Variants in AGAP1 observed in about 807,000 individuals in gnomAD.
AGAP1 encodes ArfGAP with GTPase domain, ankyrin repeat and PH domain 1.
AGAP1 carries 29 observed loss-of-function variants against 105.3 expected under a neutral mutation model. The observed-to-expected ratio is 0.28, with a 90% CI of 0.21 to 0.38. The LOEUF is 0.38. Among genes scored for constraint, AGAP1 ranks in the 10% least tolerant of loss-of-function variants. The pLI is 1.00. For missense variants in AGAP1, 998 were observed against 1,165.1 expected (o/e 0.86, Z 2.09); for synonymous variants, 509 against 485.9 (o/e 1.05, Z -0.63).
rs954215802 is a variant in AGAP1, at chr2:235,739,501, G to A, written c.311-1462G>A. ...CTGACCATTTCCAGTGGGCCCTACC[G>A]TCTTGTTTCAGTGACTGGGGGGACA... On this transcript the variant is annotated intron_variant, in intron 3 of 17. Transcript: ENST00000304032. The surrounding 1 kb of genome is among the most constrained non-coding windows in gnomAD (Gnocchi z 5.3). 6.6e-6 allele frequency among the ~76,000 whole-genome samples: 1 copy of A among 152,186 alleles called. No homozygotes were observed. Among genetic ancestry groups the A allele is most frequent in the African/African-American group, 2.4e-5 (1 of 41,448 alleles).
rs957281254 is a variant in AGAP1, at chr2:235,874,536, A to G, written c.1051-8809A>G. ...CACCTAGGCAGAGCAACCGAAGTGC[A>G]CTTTGCAGGGAGCTAAGAGGCTCGG... is the stretch of plus-strand genomic sequence containing the variant. On this transcript the variant is annotated intron_variant, in intron 9 of 17. Transcript: ENST00000304032. This position sits in a 1 kb window ranked among gnomAD's most constrained non-coding sequence, Gnocchi z 4.5. 1.3e-5 allele frequency among the ~76,000 whole-genome samples: 2 copies of G among 152,204 alleles called. No individual in the cohort carries two copies. The highest frequency in any genetic ancestry group is 6.5e-5 in the Admixed American group (1 of 15,288).
chr2:235,984,211 A>G, intron 13 of AGAP1, among the ~76,000 whole-genome samples: 1 of 152,216 alleles, frequency 6.6e-6, no homozygotes, highest in East Asian at 1.9e-4. Context: ...ATAATGTTCC[A>G]TGTTGTAGCA....
At chr2:235,941,852 G>A (rs957263432) in intron 12 of AGAP1, among the ~76,000 whole-genome samples, 1 of 150,980 alleles carries the variant, frequency 6.6e-6, no homozygotes, top group African/African-American at 2.5e-5. Context: ...TTGTTGTTGG[G>A]GGGGTAAGAA....
At chr2:235,767,777 C>CTTTTTTT (rs71414307) in intron 6 of AGAP1, among the ~76,000 whole-genome samples, 30 of 62,052 alleles carry the variant, frequency 4.8e-4, no homozygotes, top group African/African-American at 1.1e-3. Flanking sequence ...AGTTTCTTGT[C>CTTTTTTT]TTTTTTTTTT....
In AGAP1 at chr2:236,027,216, A is replaced by G. The variant is rs139582093; in HGVS notation, c.1646-9345A>G. Among the ~76,000 whole-genome samples the G allele has an allele frequency of 0.014, 2,152 of 152,284 alleles. 27 individuals are homozygous for G. The highest frequency in any genetic ancestry group is 0.024 in the Middle Eastern group (7 of 294). On this transcript the variant is annotated intron_variant, in intron 13 of 17. Transcript: ENST00000304032. This position sits in a 1 kb window ranked among gnomAD's most constrained non-coding sequence, Gnocchi z 4.4. The stretch of plus-strand genomic sequence containing the variant: ...AGATATAAATTAGATCTGAAACTCT[A>G]CGTGTGGGTATTCACCTATTACCCT...
intron 6 of AGAP1, among the ~76,000 whole-genome samples, chr2:235,784,386 A>C (rs1319100086): frequency 6.6e-6 from 1 of 152,172 alleles, no homozygotes; most frequent in Non-Finnish European, 1.5e-5. Flanking sequence ...ACTATTCCTA[A>C]ATCACAGCAG....
At chr2:235,670,130 G>T (rs1301636405) in intron 1 of AGAP1, 1 of 575,750 alleles carries the variant, frequency 1.7e-6, no homozygotes. Context: ...TGGCGAGCCC[G>T]CGTCGCCACC....
At chr2:235,563,105 G>GTGGGGAGTCTGCAAACAGGACC (rs1432426810) in intron 1 of AGAP1, among the ~76,000 whole-genome samples, 4 of 152,186 alleles carry the variant, frequency 2.6e-5, no homozygotes, top group Admixed American at 1.3e-4. Flanking sequence ...TGGGGCTGCT[G>GTGGGGAGTCTGCAAACAGGACC]TGGGGAGTCT....
At position 235,971,852 on chromosome 2, in the gene AGAP1, C is replaced by T. The variant is rs1033574184; in HGVS notation, c.1645+3229C>T. On this transcript the variant is annotated intron_variant, in intron 13 of 17. Coordinates refer to ENST00000304032, the MANE Select transcript of AGAP1 (RefSeq NM_001037131.3). This position sits in a 1 kb window ranked among gnomAD's most constrained non-coding sequence, Gnocchi z 4.8. ...GGGGTGTAGTGGTGCAGTCACGGCT[C>T]ACTGCAGCCTCGAACTCCCAGGTTC... Among the ~76,000 whole-genome samples, 4 of 151,700 alleles carry T rather than the reference C, an allele frequency of 2.6e-5. No individual in the cohort carries two copies. The highest frequency in any genetic ancestry group is 9.7e-5 in the African/African-American group (4 of 41,274).
chr2:236,095,612 T>C lies in AGAP1; in HGVS notation c.2115-24580T>C, dbSNP rs1478639854. Among the ~76,000 whole-genome samples the C allele has an allele frequency of 2.0e-5, 3 of 152,228 alleles. No individual in the cohort carries two copies. The highest frequency in any genetic ancestry group is 7.2e-5 in the African/African-American group (3 of 41,466). The stretch of plus-strand genomic sequence containing the variant: ...CAGGAAATTCTCATGTTGGTAGATA[T>C]TGACATAGGCAGTGCTTACAGTGTT... On this transcript the variant is annotated intron_variant, in intron 16 of 17. Transcript: ENST00000304032. The surrounding 1 kb of genome is among the most constrained non-coding windows in gnomAD (Gnocchi z 4.1).
At position 235,958,365 on chromosome 2, in the gene AGAP1, C is replaced by T. The variant is rs1318255832; in HGVS notation, c.1484-10097C>T. 6.6e-6 allele frequency among the ~76,000 whole-genome samples: 1 copy of T among 152,034 alleles called. No individual in the cohort carries two copies. The highest frequency in any genetic ancestry group is 2.4e-5 in the African/African-American group (1 of 41,390). On this transcript the variant is annotated intron_variant, in intron 12 of 17. Transcript: ENST00000304032. The surrounding 1 kb of genome is among the most constrained non-coding windows in gnomAD (Gnocchi z 4.1). ...TAACGGCAGCAGTAACAGCGGGAGT[C>T]CTTGCAGCAGGGAGGCTTGCAGAGA...
At chr2:235,966,683 T>A (rs999467246) in intron 12 of AGAP1, among the ~76,000 whole-genome samples, 1 of 152,130 alleles carries the variant, frequency 6.6e-6, no homozygotes, top group African/African-American at 2.4e-5. Context: ...TGTCTCATGG[T>A]GTCCAGTGCT....
rs543685190 is a variant in AGAP1, at chr2:236,036,311, G to T, written c.1646-250G>T. Among the ~76,000 whole-genome samples the T allele has an allele frequency of 2.6e-4, 40 of 152,306 alleles. No homozygotes were observed. The highest frequency in any genetic ancestry group is 9.1e-4 in the African/African-American group (38 of 41,562). ...CACAGAGACGCTGACATCACTCGTT[G>T]ATTTCATCTGGCCTTGTGCCCTGAG... On this transcript the variant is annotated intron_variant, in intron 13 of 17. Coordinates refer to ENST00000304032, the MANE Select transcript of AGAP1 (RefSeq NM_001037131.3). The surrounding 1 kb of genome is among the most constrained non-coding windows in gnomAD (Gnocchi z 5.7).
chr2:235,798,790 G>A (rs1453322488), intron 7 of AGAP1, among the ~76,000 whole-genome samples: 1 of 148,962 alleles, frequency 6.7e-6, no homozygotes, highest in African/African-American at 2.5e-5. Context: ...GATCACCTCT[G>A]CCCAGCAGAA....
At chr2:235,885,896 T>C (rs1349100567) in intron 10 of AGAP1, among the ~76,000 whole-genome samples, 1 of 152,232 alleles carries the variant, frequency 6.6e-6, no homozygotes, top group African/African-American at 2.4e-5. Flanking sequence ...GGAAATTCCT[T>C]TGTGCTCAGT....
At chr2:235,774,318 G>T (rs1189448519) in intron 6 of AGAP1, 1 of 469,808 alleles carries the variant, frequency 2.1e-6, no homozygotes, top group Non-Finnish European at 4.4e-6. Context: ...GCCAGCCCAG[G>T]GCTGGGAAGA....
intron 12 of AGAP1, among the ~76,000 whole-genome samples, chr2:235,950,214 G>A (rs1402428373): frequency 6.6e-6 from 1 of 152,188 alleles, no homozygotes; most frequent in Non-Finnish European, 1.5e-5. Flanking sequence ...ACTCCCGCCA[G>A]TCTCATGGCC....
At chr2:236,018,042 A>G (rs1189247091) in intron 13 of AGAP1, among the ~76,000 whole-genome samples, 1 of 152,184 alleles carries the variant, frequency 6.6e-6, no homozygotes, top group Non-Finnish European at 1.5e-5. Context: ...AAACAAAAAT[A>G]TTTTATCTTT....
chr2:235,577,094 C>T lies in AGAP1; in HGVS notation c.163+82245C>T, dbSNP rs965973475. 1.4e-4 allele frequency among the ~76,000 whole-genome samples: 21 copies of T among 152,172 alleles called. No individual in the cohort carries two copies. Among genetic ancestry groups the T allele is most frequent in the African/African-American group, 4.6e-4 (19 of 41,448 alleles). ...TCAGGCCTTCCTGAACCCCCTTGTA[C>T]CTCTGTCCAGTGGAAGTAGAATGCC... is the stretch of plus-strand genomic sequence containing the variant. On this transcript the variant is annotated intron_variant, in intron 1 of 17. Coordinates refer to ENST00000304032, the MANE Select transcript of AGAP1 (RefSeq NM_001037131.3). This position sits in a 1 kb window ranked among gnomAD's most constrained non-coding sequence, Gnocchi z 4.5.
Sources: gnomAD v4.1 joint callset for allele counts (sites outside exome capture counted in the v4.1 genomes callset) on GRCh38, gnomAD v4.1.1 for gene constraint, Gnocchi (gnomAD v3.1) non-coding constraint, MANE v1.5 for transcripts, NCBI Gene and HGNC (gene_info 2026-07-23, HGNC 2026-07-21) for gene names.